Variants in ZNF91 observed in about 807,000 individuals in gnomAD.
ZNF91 encodes the protein zinc finger protein 91.
ZNF91 carries 7 observed loss-of-function variants against 12.6 expected under a neutral mutation model. The ratio of observed to expected loss-of-function variants is 0.55; its 90% CI spans 0.31 to 1.04. ZNF91 has a LOEUF of 1.04. ZNF91 is among the 50% of genes least tolerant of loss of function. The pLI, the probability that ZNF91 is intolerant of heterozygous loss-of-function variation, is 0.05. For synonymous variants in ZNF91, 453 were observed against 462.6 expected (o/e 0.98, Z 0.27); for missense variants, 1,217 against 1,385.4 (o/e 0.88, Z 1.93).
At chr19:23,372,224 A>T (rs865906941) in intron 3 of ZNF91, among the ~76,000 whole-genome samples, 3 of 141,362 alleles carry the variant, frequency 2.1e-5, no homozygotes, top group South Asian at 4.4e-4. Context: ...TTAATAAGAT[A>T]AAAAAAAAAA....
At position 23,393,899 on chromosome 19, in the gene ZNF91, C is replaced by T. The variant is rs532052339; in HGVS notation, c.30+1426G>A. 3.9e-5 allele frequency among the ~76,000 whole-genome samples: 6 copies of T among 152,136 alleles called. No homozygotes were observed. In the South Asian group the frequency reaches 1.2e-3, roughly 32 times the overall value. On this transcript the variant is annotated intron_variant, in intron 1 of 3. Coordinates refer to ENST00000300619, the MANE Select transcript of ZNF91 (RefSeq NM_003430.4). ...CCTGTAAGTCCAGCTACTTGGGAGACTGAGAGAGGAGAATCATTTGAGCCC... is the reference window on the plus strand; with the variant it reads ...CCTGTAAGTCCAGCTACTTGGGAGATTGAGAGAGGAGAATCATTTGAGCCC...
intron 3 of ZNF91, among the ~76,000 whole-genome samples, chr19:23,351,237 T>C (rs1163137881): frequency 6.6e-6 from 1 of 151,544 alleles, no homozygotes; most frequent in Non-Finnish European, 1.5e-5. Context: ...GGCAGGAGAA[T>C]TGCTTGAACC....
chr19:23,332,236 C>G (rs1012767356), intron 1 of ZNF91, among the ~76,000 whole-genome samples: 1 of 152,068 alleles, frequency 6.6e-6, no homozygotes, highest in African/African-American at 2.4e-5. Flanking sequence ...TAATTTTCAC[C>G]CTTTGTTGGT....
At chr19:23,374,559 CAAAAAAA>C (rs59471254) in intron 2 of ZNF91, 72 bp downstream of exon 2, 37 of 893,688 alleles carry the variant, frequency 4.1e-5, no homozygotes, top group South Asian at 3.0e-4. Flanking sequence ...GACTCTGTCT[CAAAAAAA>C]AAAAAAAAAA....
chr19:23,376,618 A>G (rs983356638), intron 1 of ZNF91, among the ~76,000 whole-genome samples: 4 of 151,980 alleles, frequency 2.6e-5, no homozygotes, highest in African/African-American at 9.7e-5. Flanking sequence ...CAAACTGCCA[A>G]CCTCAGGTGA....
chr19:23,327,880 T>C (rs942910392), intron 1 of ZNF91: 8 of 152,204 alleles, frequency 5.3e-5, no homozygotes, highest in Non-Finnish European at 1.2e-4. Flanking sequence ...TCTTAACTTG[T>C]GTTTCTCTGA....
At chr19:23,333,172 T>C (rs1030106339) in intron 1 of ZNF91, among the ~76,000 whole-genome samples, 1 of 152,186 alleles carries the variant, frequency 6.6e-6, no homozygotes, top group African/African-American at 2.4e-5. Context: ...ATATGAAACC[T>C]CCTTTTGAAG....
chr19:23,369,366 C>G (rs1008119958), intron 3 of ZNF91, among the ~76,000 whole-genome samples: 1 of 151,130 alleles, frequency 6.6e-6, no homozygotes, highest in African/African-American at 2.4e-5. Flanking sequence ...ACCCGGCCAG[C>G]CGCCCCGTCC....
At position 23,360,954 on chromosome 19, in the gene ZNF91, A is replaced by T. The variant is rs1316742238; in HGVS notation, c.2025T>A (p.Asn675Lys). The change falls in exon 4 of 4, where the codon AAT becomes AAA. Residue 675 changes from asparagine to lysine, a missense_variant. Around this residue, in one of 2 missense-constraint regions of ZNF91, gnomAD observed 726 missense variants for 895.5 expected, o/e 0.81. Transcript: ENST00000300619. Reference sequence around the variant, plus strand: ...TCTCTTCAGTATGAGTTATCTTATGATTAGCAAGGGTTGAGGAATTGCTAA... The same window carrying T: ...TCTCTTCAGTATGAGTTATCTTATGTTTAGCAAGGGTTGAGGAATTGCTAA... ...KAFSNSSTLA[N>K]HKITHTEEKP... The T allele has an allele frequency of 6.2e-7, 1 of 1,605,550 alleles. No homozygotes were observed. The highest frequency in any genetic ancestry group is 1.1e-5 in the South Asian group (1 of 90,670).
Position 23,323,675 on chromosome 19 carries a change from TCCTCCTCTA to T in ZNF91, n.117-14587_117-14579del, listed in dbSNP as rs1427105767. Among the ~76,000 whole-genome samples the T allele has an allele frequency of 9.5e-3, 1,260 of 132,594 alleles. 18 individuals are homozygous for T. Among genetic ancestry groups the T allele is most frequent in the African/African-American group, 0.035 (1,185 of 33,648 alleles). 87.0% of individuals were successfully genotyped at this position (132,594 alleles called of 152,430 possible). ...CTCCTCCTCCTTTCCTCTTCTCTCCTCCTCCTCTACTTCTCCTTCTTTATCCTCTCCTCC... is the reference window on the plus strand; with the variant it reads ...CTCCTCCTCCTTTCCTCTTCTCTCCTCTTCTCCTTCTTTATCCTCTCCTCC... On this transcript the variant is annotated intron_variant and non_coding_transcript_variant, in intron 1 of 1. Coordinates refer to the ZNF91 transcript ENST00000596528.
intron 3 of ZNF91, among the ~76,000 whole-genome samples, chr19:23,365,884 G>A (rs1968984517): frequency 6.6e-6 from 1 of 152,182 alleles, no homozygotes; most frequent in African/African-American, 2.4e-5. Flanking sequence ...AGGGTTGGGG[G>A]TAAGGTCATA....
Position 23,359,279 on chromosome 19 carries a change from G to C in ZNF91, c.*124C>G. 2 of 477,818 alleles carry C rather than the reference G, an allele frequency of 4.2e-6. No individual in the cohort carries two copies. The highest frequency in any genetic ancestry group is 3.3e-5 in the Admixed American group (1 of 29,972). The allele number at this position is 477,818 out of a possible 1,614,324, so 29.6% of individuals were successfully genotyped here. ...GCTCTGTCGCCCAGGCTTGAGTGCA[G>C]TGGCGTGATCTCGGCTCACTGCAAG... is the stretch of plus-strand genomic sequence containing the variant. On this transcript the variant is annotated 3_prime_UTR_variant, in exon 4 of 4. Transcript: ENST00000300619.
At chr19:23,354,937 A>G (rs1317339453), downstream of ZNF91, among the ~76,000 whole-genome samples, 8 of 152,188 alleles carry the variant, frequency 5.3e-5, no homozygotes, top group Non-Finnish European at 1.2e-4. Flanking sequence ...GGAAAACTAC[A>G]AAACACTGCT....
At chr19:23,382,990 T>C (rs12232876) in intron 1 of ZNF91, among the ~76,000 whole-genome samples, 1 of 152,046 alleles carries the variant, frequency 6.6e-6, no homozygotes, top group Non-Finnish European at 1.5e-5. Context: ...TCTCTCCAAC[T>C]CATTATATAA....
intron 3 of ZNF91, among the ~76,000 whole-genome samples, chr19:23,367,079 A>G (rs1460825999): frequency 6.6e-6 from 1 of 152,218 alleles, no homozygotes; most frequent in Non-Finnish European, 1.5e-5. Context: ...GATCACTTAC[A>G]GCTAAAAGTT....
Position 23,358,699 on chromosome 19 carries a change from T to C in ZNF91, c.*704A>G. The C allele has an allele frequency of 6.4e-6, 1 of 157,442 alleles. No individual in the cohort carries two copies. Among genetic ancestry groups the C allele is most frequent in the Admixed American group, 6.4e-5 (1 of 15,546 alleles). The allele number at this position is 157,442 out of a possible 1,614,324, so 9.8% of individuals were successfully genotyped here. A position where few individuals can be genotyped will look rare whatever the true frequency, so the allele number is the denominator to read the frequency against. Reference sequence around the variant, plus strand: ...CAAAGCTTGGCCACATTGTTCACACTGGTAGTTTTCTCCAGTATGAATTAT... The same window carrying C: ...CAAAGCTTGGCCACATTGTTCACACCGGTAGTTTTCTCCAGTATGAATTAT... On this transcript the variant is annotated 3_prime_UTR_variant, in exon 4 of 4. Transcript: ENST00000300619.
At chr19:23,318,202 G>T (rs977158080) in intron 1 of ZNF91, among the ~76,000 whole-genome samples, 13 of 152,132 alleles carry the variant, frequency 8.5e-5, no homozygotes, top group Non-Finnish European at 8.8e-5. Flanking sequence ...TGATTCTCCT[G>T]TCTGTACCCT....
At chr19:23,337,247 TAAGAG>T (rs1568372353), downstream of ZNF91, among the ~76,000 whole-genome samples, 3 of 151,832 alleles carry the variant, frequency 2.0e-5, no homozygotes, top group East Asian at 5.8e-4. Context: ...AAAATCAACC[TAAGAG>T]AAAAGATGAC....
At chr19:23,314,713 G>A (rs534471003), upstream of ZNF91, among the ~76,000 whole-genome samples, 42 of 151,928 alleles carry the variant, frequency 2.8e-4, no homozygotes, top group South Asian at 4.2e-4. Flanking sequence ...CCCAGATGAC[G>A]TAACTCTTCT....
Sources: gnomAD v4.1 joint callset for allele counts (sites outside exome capture counted in the v4.1 genomes callset) on GRCh38, gnomAD v4.1.1 for gene constraint, gnomAD v4.1.1 regional missense constraint, MANE v1.5 for transcripts, NCBI Gene and HGNC (gene_info 2026-07-23, HGNC 2026-07-21) for gene names.